The following POTEC variants were observed in gnomAD, a reference collection of about 807,000 sequenced individuals.
POTEC encodes POTE ankyrin domain family member C.
In POTEC, 35 loss-of-function variants were observed where a neutral mutation model predicts 62.0. That is an observed-to-expected ratio of 0.56 (90% CI 0.43 to 0.75). The LOEUF (loss-of-function observed/expected upper bound fraction) is 0.75. POTEC is among the 30% of genes least tolerant of loss of function. The pLI is 0.00. For synonymous variants in POTEC, 156 were observed against 221.5 expected, an observed-to-expected ratio of 0.70 and a Z score of 2.62; for missense variants, 472 against 655.9, an observed-to-expected ratio of 0.72 and a Z score of 3.06.
chr18:14,513,412 C>T (rs1166531537), intron 10 of POTEC, among the ~76,000 whole-genome samples: 2 of 151,952 alleles, frequency 1.3e-5, no homozygotes, highest in Admixed American at 6.6e-5. Context: ...TGGATTGAGG[C>T]CATTGTGAAG....
chr18:14,534,632 T>C (rs1381904597), intron 4 of POTEC, among the ~76,000 whole-genome samples: 1 of 151,242 alleles, frequency 6.6e-6, no homozygotes, highest in Non-Finnish European at 1.5e-5. Flanking sequence ...AAAATTAATA[T>C]GAAATCCCTT....
chr18:14,533,239 A>G (rs1378432971), intron 4 of POTEC, 41 bp from the exon 5 acceptor site: 2 of 1,591,064 alleles, frequency 1.3e-6, no homozygotes, highest in African/African-American at 1.4e-5. Flanking sequence ...GAACTGTAAT[A>G]AAGTTATTTT....
Position 14,524,936 on chromosome 18 carries a change from C to CT in POTEC, c.1173dup (p.Val392SerfsTer3). The CT allele has an allele frequency of 6.2e-7, 1 of 1,605,964 alleles. No individual in the cohort carries two copies. Among genetic ancestry groups the CT allele is most frequent in the Non-Finnish European group, 8.5e-7 (1 of 1,177,928 alleles). ...GCCTCTGGCTGGCTATTTTCACTGA[C>CT]TTTAAGCCTTTGTGACTCTTCCTCT... On this transcript the variant is annotated frameshift_variant, in exon 7 of 11. Coordinates refer to ENST00000358970, the MANE Select transcript of POTEC (RefSeq NM_001137671.2). LOFTEE classifies it high-confidence loss of function.
rs11876328 is a variant in POTEC at position 14,531,000 on chromosome 18, T to C, written c.1056-447A>G. Among the ~76,000 whole-genome samples the C allele has an allele frequency of 1.9e-3, 294 of 152,054 alleles. 1 individual carries two copies. Among genetic ancestry groups the C allele is most frequent in the African/African-American group, 6.4e-3 (264 of 41,490 alleles). ...AATGCTCAGAGAAATAGTAAAGCAATGGAATAATCTGTTCCTAAACTTTAT... is the reference window on the plus strand; with the variant it reads ...AATGCTCAGAGAAATAGTAAAGCAACGGAATAATCTGTTCCTAAACTTTAT... On this transcript the variant is annotated intron_variant, in intron 5 of 10. Transcript: ENST00000358970.
At position 14,537,803 on chromosome 18, in the gene POTEC, T is replaced by A. The variant is rs756957646; in HGVS notation, c.808A>T (p.Lys270Ter). The A allele has an allele frequency of 6.2e-7, 1 of 1,611,042 alleles. No homozygotes were observed. Among genetic ancestry groups the A allele is most frequent in the Non-Finnish European group, 8.5e-7 (1 of 1,179,200 alleles). ...AGATAAAATTGGTAGATCTATACCT[T>A]GTTTTTTGATTCAATATCAGCACCA... ...LYGADIESKN[K>*]CGLTPLLLGV... Residue 270 changes from lysine to a stop codon, truncating the protein, a stop_gained and splice_region_variant, in exon 3 of 11, where the codon AAG (lysine) becomes TAG (stop). Coordinates refer to ENST00000358970, the MANE Select transcript of POTEC (RefSeq NM_001137671.2). LOFTEE classifies it high-confidence loss of function.
chr18:14,510,576 T>A lies in POTEC; in HGVS notation c.*1322A>T, dbSNP rs140204361. ...TCGTATTTTCCAGTGGCTGAAGGTA[T>A]CAGCAGTGAAGCCTGAGAAAAAGCA... On this transcript the variant is annotated 3_prime_UTR_variant, in exon 11 of 11. Transcript: ENST00000358970. The A allele has an allele frequency of 6.6e-6, 1 of 152,212 alleles. No homozygotes were observed. Among genetic ancestry groups the A allele is most frequent in the African/African-American group, 2.4e-5 (1 of 41,426 alleles). The allele number at this position is 152,212 out of a possible 1,614,324, so 9.4% of individuals were successfully genotyped here.
At chr18:14,537,219 A>AAAAAAAC (rs1379719655) in intron 3 of POTEC, among the ~76,000 whole-genome samples, 1 of 135,582 alleles carries the variant, frequency 7.4e-6, no homozygotes, top group Non-Finnish European at 1.6e-5. Context: ...ACAAAAAAAA[A>AAAAAAAC]AAAAAACAAA....
At position 14,508,720 on chromosome 18, in the gene POTEC, C is replaced by A. The variant is rs1039831841; in HGVS notation, c.*3178G>T. 1.3e-5 allele frequency: 2 copies of A among 152,568 alleles called. No individual in the cohort carries two copies. Among genetic ancestry groups the A allele is most frequent in the Non-Finnish European group, 2.9e-5 (2 of 68,022 alleles). 9.5% of individuals were successfully genotyped at this position (152,568 alleles called of 1,614,324 possible). ...CCCATATCCTGAACTCTGCTTGTAT[C>A]ATTTCAGACATCTCAGCCTCAGCCC... On this transcript the variant is annotated 3_prime_UTR_variant, in exon 11 of 11. Transcript: ENST00000358970.
At chr18:14,526,189 C>T (rs1910432341) in intron 6 of POTEC, among the ~76,000 whole-genome samples, 1 of 152,026 alleles carries the variant, frequency 6.6e-6, no homozygotes, top group African/African-American at 2.4e-5. Context: ...TGAGCCACCA[C>T]ACCCAGCCTT....
Position 14,530,947 on chromosome 18 carries a change from T to C in POTEC, c.1056-394A>G, listed in dbSNP as rs1156799835. Among the ~76,000 whole-genome samples the C allele has an allele frequency of 2.0e-5, 3 of 152,072 alleles. 1 individual carries two copies. Among genetic ancestry groups the C allele is most frequent in the South Asian group, 4.1e-4 (2 of 4,824 alleles). ...GCTGCCTTATTTCACTAGGTTGTTA[T>C]AAAGATTTAACAAGGTAACATTTTT... is the stretch of plus-strand genomic sequence containing the variant. On this transcript the variant is annotated intron_variant, in intron 5 of 10. Coordinates refer to ENST00000358970, the MANE Select transcript of POTEC (RefSeq NM_001137671.2).
chr18:14,512,155 G>A (rs1312414409), intron 10 of POTEC, among the ~76,000 whole-genome samples, 162 bp from the exon 11 acceptor site: 2 of 151,568 alleles, frequency 1.3e-5, no homozygotes, highest in Admixed American at 1.3e-4. Context: ...CTAAAAGAGT[G>A]TAAATTCCAA....
chr18:14,512,214 A>AT (rs1910028516), intron 10 of POTEC, among the ~76,000 whole-genome samples: 1 of 152,096 alleles, frequency 6.6e-6, no homozygotes, highest in Non-Finnish European at 1.5e-5. Flanking sequence ...TCACTAGAGG[A>AT]TTTTTAAGAA....
At chr18:14,529,110 C>A in intron 6 of POTEC, 1 of 432,236 alleles carries the variant, frequency 2.3e-6, no homozygotes, top group Non-Finnish European at 4.6e-6. Flanking sequence ...TCAAAACTTT[C>A]ATTCCTCATC....
chr18:14,519,548 G>A lies in POTEC; in HGVS notation c.1409+2706C>T, dbSNP rs553810858. ...GCTGGCCAACATGGGGGAATGCTGT[G>A]TCTACTAAAAATACAAAAATCAGCT... On this transcript the variant is annotated intron_variant, in intron 9 of 10. Coordinates refer to ENST00000358970, the MANE Select transcript of POTEC (RefSeq NM_001137671.2). Among the ~76,000 whole-genome samples the A allele has an allele frequency of 3.9e-5, 6 of 152,002 alleles. No homozygotes were observed. The East Asian group carries it at 5.8e-4, about 15-fold the overall frequency.
In POTEC at chr18:14,524,840, T is replaced by A; in HGVS notation, c.1197+73A>T. The A allele has an allele frequency of 2.0e-6, 3 of 1,517,000 alleles. No individual in the cohort carries two copies. The Admixed American group carries it at 6.4e-5, about 32-fold the overall frequency. 94.0% of individuals were successfully genotyped at this position (1,517,000 alleles called of 1,614,324 possible). ...AACCTAGTCTGAAAGGTAATTTCAT[T>A]TGGACTATCTAATATCGTTAAAGCA... is the stretch of plus-strand genomic sequence containing the variant. On this transcript the variant is annotated intron_variant, in intron 7 of 10. Coordinates refer to ENST00000358970, the MANE Select transcript of POTEC (RefSeq NM_001137671.2).
intron 1 of POTEC, among the ~76,000 whole-genome samples, chr18:14,539,073 A>G (rs1298659616): frequency 6.6e-6 from 1 of 152,154 alleles, no homozygotes; most frequent in Non-Finnish European, 1.5e-5. Context: ...AAAATAATCT[A>G]TTTCTTACTT....
At chr18:14,526,791 T>C (rs200089843) in intron 6 of POTEC, among the ~76,000 whole-genome samples, 17 of 152,154 alleles carry the variant, frequency 1.1e-4, no homozygotes, top group African/African-American at 3.9e-4. Flanking sequence ...ACTTTTAAGA[T>C]GCTTAGACAT....
chr18:14,514,929 A>G (rs199530903), intron 9 of POTEC, among the ~76,000 whole-genome samples: 2 of 152,220 alleles, frequency 1.3e-5, no homozygotes, highest in East Asian at 3.9e-4. Flanking sequence ...GCTGAGAGTC[A>G]TATCAAGAAT....
At chr18:14,519,790 G>C (rs1444452346) in intron 9 of POTEC, among the ~76,000 whole-genome samples, 1 of 152,006 alleles carries the variant, frequency 6.6e-6, no homozygotes, top group East Asian at 1.9e-4. Context: ...TGTCCAAAAG[G>C]AGAAAGATGA....
Sources: gnomAD v4.1 joint callset for allele counts (sites outside exome capture counted in the v4.1 genomes callset) on GRCh38, gnomAD v4.1.1 for gene constraint, MANE v1.5 for transcripts, NCBI Gene and HGNC (gene_info 2026-07-23, HGNC 2026-07-21) for gene names.